GAB2: variants seen among roughly 807,000 people sequenced by gnomAD.
The protein encoded by GAB2 is GRB2 associated binding protein 2.
Under a neutral mutation model 65.5 loss-of-function variants are expected in GAB2, and 26 were observed. The ratio of observed to expected loss-of-function variants is 0.40; its 90% CI spans 0.29 to 0.55. The LOEUF (loss-of-function observed/expected upper bound fraction) is 0.55, where lower values mean the gene tolerates loss of function less well. Among genes scored for constraint, GAB2 ranks in the 20% least tolerant of loss-of-function variants. The pLI is 0.53. For missense variants in GAB2, 884 were observed against 875.8 expected (o/e 1.01, Z -0.12); for synonymous variants, 321 against 329.6 (o/e 0.97, Z 0.28).
At chr11:78,407,658 T>TGGCAGAAAGAAAGAAAGA (rs1857065183) in intron 1 of GAB2, among the ~76,000 whole-genome samples, 1 of 117,140 alleles carries the variant, frequency 8.5e-6, no homozygotes, top group African/African-American at 3.5e-5. Flanking sequence ...AGAAAGAAAG[T>TGGCAGAAAGAAAGAAAGA]AAGAAAGAAA....
At chr11:78,355,575 G>T (rs1437283240) in intron 1 of GAB2, among the ~76,000 whole-genome samples, 1 of 150,916 alleles carries the variant, frequency 6.6e-6, no homozygotes, top group African/African-American at 2.5e-5. Flanking sequence ...GCTTTAAGAG[G>T]CTGAGACAGT....
intron 1 of GAB2, among the ~76,000 whole-genome samples, chr11:78,366,103 C>T (rs1002595882): frequency 6.6e-6 from 1 of 152,200 alleles, no homozygotes; most frequent in Admixed American, 6.5e-5. Context: ...TCTAATACAA[C>T]TCCTAACACA....
chr11:78,353,596 G>C (rs1046589089), intron 1 of GAB2, among the ~76,000 whole-genome samples: 15 of 152,228 alleles, frequency 9.9e-5, no homozygotes, highest in Admixed American at 2.6e-4. Flanking sequence ...GTTTACATCT[G>C]TGCTGTCCAG....
chr11:78,216,402 T>C lies in GAB2; in HGVS notation c.*2870A>G, dbSNP rs1374440751. ...TGGATAGGCCAAAGGACCAGTTTTT[T>C]CAACTGAGTTGACTCCTTTGTTGGA... On this transcript the variant is annotated 3_prime_UTR_variant, in exon 10 of 10. Transcript: ENST00000361507. 1 of 152,188 alleles carries C rather than the reference T, an allele frequency of 6.6e-6. No individual in the cohort carries two copies. Among genetic ancestry groups the C allele is most frequent in the African/African-American group, 2.4e-5 (1 of 41,420 alleles). The allele number at this position is 152,188 out of a possible 1,614,324, so 9.4% of individuals were successfully genotyped here.
At chr11:78,407,650 A>T (rs944753363) in intron 1 of GAB2, among the ~76,000 whole-genome samples, 10 of 123,068 alleles carry the variant, frequency 8.1e-5, no homozygotes, top group African/African-American at 2.7e-4. Context: ...AGAAAGAAAG[A>T]AAGAAAGTAA....
chr11:78,231,214 T>C (rs562585093), intron 3 of GAB2, among the ~76,000 whole-genome samples: 4 of 152,002 alleles, frequency 2.6e-5, no homozygotes, highest in Non-Finnish European at 5.9e-5. Flanking sequence ...AGAGAAGATA[T>C]TCCCTCAAGC....
chr11:78,361,839 C>T (rs953358637), intron 1 of GAB2, among the ~76,000 whole-genome samples: 1 of 151,946 alleles, frequency 6.6e-6, no homozygotes, highest in African/African-American at 2.4e-5. Flanking sequence ...AGTATATATC[C>T]TTTAACCAGG....
intron 2 of GAB2, among the ~76,000 whole-genome samples, chr11:78,279,606 A>AGTCGCTTCT (rs957143959): frequency 6.6e-6 from 1 of 152,136 alleles, no homozygotes; most frequent in Non-Finnish European, 1.5e-5. Flanking sequence ...ACTCATAAGC[A>AGTCGCTTCT]GTCGCTTCTC....
intron 2 of GAB2, among the ~76,000 whole-genome samples, chr11:78,254,988 G>A (rs2510038): frequency 0.16 from 23,604 of 151,736 alleles, 2,365 homozygotes; most frequent in East Asian, 0.4. Context: ...CAAAACTCAT[G>A]TCTACCTGGT....
At chr11:78,221,271 C>A (rs564150440) in intron 8 of GAB2, among the ~76,000 whole-genome samples, 151 of 152,350 alleles carry the variant, frequency 9.9e-4, no homozygotes, top group African/African-American at 3.5e-3. Context: ...AAATATCCTC[C>A]TCTGCCTGTG....
At chr11:78,305,031 T>C (rs1202270380) in intron 1 of GAB2, among the ~76,000 whole-genome samples, 1 of 152,200 alleles carries the variant, frequency 6.6e-6, no homozygotes, top group African/African-American at 2.4e-5. Flanking sequence ...TCTCCTTCCC[T>C]TCTAGAGATA....
intron 1 of GAB2, among the ~76,000 whole-genome samples, chr11:78,303,066 G>A (rs1393290003): frequency 1.3e-5 from 2 of 152,172 alleles, no homozygotes; most frequent in Admixed American, 6.5e-5. Flanking sequence ...GGAGGGTGAT[G>A]GACAGAAGAC....
At chr11:78,306,283 T>C (rs1855356571) in intron 1 of GAB2, among the ~76,000 whole-genome samples, 2 of 152,178 alleles carry the variant, frequency 1.3e-5, no homozygotes, top group Admixed American at 1.3e-4. Flanking sequence ...CAGGCTGGAG[T>C]GCAGTGGTGC....
intron 2 of GAB2, among the ~76,000 whole-genome samples, chr11:78,263,430 A>G (rs1030194466): frequency 6.6e-6 from 1 of 151,974 alleles, no homozygotes; most frequent in Non-Finnish European, 1.5e-5. Flanking sequence ...TCAGGAGATA[A>G]AGACAATCCT....
At chr11:78,283,772 C>T (rs1217428458) in intron 1 of GAB2, among the ~76,000 whole-genome samples, 7 of 152,130 alleles carry the variant, frequency 4.6e-5, no homozygotes. Flanking sequence ...AGCATGCACT[C>T]TCAACTCTCC....
intron 1 of GAB2, among the ~76,000 whole-genome samples, chr11:78,405,912 C>A (rs928645554): frequency 6.6e-6 from 1 of 152,168 alleles, no homozygotes; most frequent in Non-Finnish European, 1.5e-5. Flanking sequence ...TAGCAAGAGA[C>A]GAAACTGCTA....
chr11:78,290,204 G>T (rs547855866), intron 1 of GAB2, among the ~76,000 whole-genome samples: 6 of 152,336 alleles, frequency 3.9e-5, no homozygotes, highest in Admixed American at 3.9e-4. Flanking sequence ...AGTAATAACG[G>T]AGACAAAAGA....
intron 5 of GAB2, 100 bp from the exon 6 acceptor site, chr11:78,223,776 G>A (rs1441868348): frequency 1.5e-5 from 15 of 1,009,584 alleles, no homozygotes; most frequent in Non-Finnish European, 2.0e-5. Flanking sequence ...TCATGACTGG[G>A]TTAGCTATAC....
chr11:78,388,440 C>T (rs2134746507), intron 1 of GAB2, among the ~76,000 whole-genome samples: 1 of 152,238 alleles, frequency 6.6e-6, no homozygotes. Context: ...AATCCTCCTA[C>T]CTCAGCCTCC....
Sources: gnomAD v4.1 joint callset for allele counts (sites outside exome capture counted in the v4.1 genomes callset) on GRCh38, gnomAD v4.1.1 for gene constraint, MANE v1.5 for transcripts, NCBI Gene and HGNC (gene_info 2026-07-23, HGNC 2026-07-21) for gene names.